Variants in DTNBP1 observed in about 807,000 individuals in gnomAD.
The protein encoded by DTNBP1 is dysbindin.
DTNBP1 carries 35 observed loss-of-function variants against 42.8 expected under a neutral mutation model. The ratio of observed to expected loss-of-function variants is 0.82; its 90% CI spans 0.63 to 1.09. The LOEUF (loss-of-function observed/expected upper bound fraction) is 1.09. Ranked by LOEUF, DTNBP1 falls within the 50% of genes least tolerant of loss-of-function variation. The pLI is 0.00. For synonymous variants in DTNBP1, 171 were observed against 162.2 expected (o/e 1.05, Z -0.41); for missense variants, 457 against 424.2 (o/e 1.08, Z -0.68).
chr6:15,562,457 T>C (rs1448628658), intron 7 of DTNBP1, among the ~76,000 whole-genome samples: 1 of 152,224 alleles, frequency 6.6e-6, no homozygotes, highest in East Asian at 1.9e-4. Flanking sequence ...GTAAACATAA[T>C]AAATGTTTTA....
At position 15,587,052 on chromosome 6, in the gene DTNBP1, T is replaced by C. The variant is rs1365921857; in HGVS notation, c.511+6007A>G. 6.6e-6 allele frequency among the ~76,000 whole-genome samples: 1 copy of C among 152,202 alleles called. No individual in the cohort carries two copies. The highest frequency in any genetic ancestry group is 1.9e-4 in the East Asian group (1 of 5,204). Reference sequence around the variant, plus strand: ...CGGGCTTCCATTCCCACCTACATGCTGGCTACTCTCAAATCTAGCTCAGAT... The same window carrying C: ...CGGGCTTCCATTCCCACCTACATGCCGGCTACTCTCAAATCTAGCTCAGAT... On this transcript the variant is annotated intron_variant, in intron 7 of 9. Coordinates refer to ENST00000344537, the MANE Select transcript of DTNBP1 (RefSeq NM_032122.5). The surrounding 1 kb of genome is among the most constrained non-coding windows in gnomAD (Gnocchi z 4.1).
chr6:15,577,630 C>G (rs1775637748), intron 7 of DTNBP1, among the ~76,000 whole-genome samples: 1 of 152,158 alleles, frequency 6.6e-6, no homozygotes, highest in East Asian at 1.9e-4. Context: ...GGATGAGACT[C>G]AAGACTGCAG....
chr6:15,644,215 A>ATAATGT (rs1760544584), intron 3 of DTNBP1, among the ~76,000 whole-genome samples: 1 of 152,112 alleles, frequency 6.6e-6, no homozygotes, highest in South Asian at 2.1e-4. Context: ...CAACATAATG[A>ATAATGT]TAAAGAGCTC....
intron 5 of DTNBP1, among the ~76,000 whole-genome samples, chr6:15,626,467 G>A (rs1227640350): frequency 6.6e-6 from 1 of 152,090 alleles, no homozygotes; most frequent in East Asian, 1.9e-4. Flanking sequence ...AAAAACAGGA[G>A]GAGATAATAG....
chr6:15,644,953 C>T (rs1000166221), intron 3 of DTNBP1, among the ~76,000 whole-genome samples: 1 of 150,630 alleles, frequency 6.6e-6, no homozygotes, highest in Non-Finnish European at 1.5e-5. Flanking sequence ...GAAATTGAGA[C>T]CAAAAAAAAA....
intron 1 of DTNBP1, among the ~76,000 whole-genome samples, chr6:15,653,307 G>A (rs1430746287): frequency 6.6e-6 from 1 of 152,194 alleles, no homozygotes; most frequent in East Asian, 1.9e-4. Context: ...TTCTGAGCTA[G>A]AAATGCATCT....
At chr6:15,641,249 C>T (rs528759340) in intron 3 of DTNBP1, among the ~76,000 whole-genome samples, 202 of 152,220 alleles carry the variant, frequency 1.3e-3, no homozygotes, top group South Asian at 2.7e-3. Context: ...CCCAAGATGG[C>T]TTACTAGGAA....
Position 15,533,418 on chromosome 6 carries a change from G to A in DTNBP1, c.512-23C>T, listed in dbSNP as rs374563522. The A allele has an allele frequency of 9.3e-6, 15 of 1,614,058 alleles. No individual in the cohort carries two copies. In the Middle Eastern group the frequency reaches 4.9e-4, roughly 53 times the overall value. ...CAGCTGAGGAAACAGAATAACTGGG[G>A]TTAGGGTTTGAAAAGGGACTGAGAG... On this transcript the variant is annotated intron_variant, in intron 7 of 9. Transcript: ENST00000344537.
chr6:15,595,110 A>G, intron 6 of DTNBP1: 1 of 456,388 alleles, frequency 2.2e-6, no homozygotes, highest in African/African-American at 2.0e-5. Flanking sequence ...CATGACCCAC[A>G]ACTCCACAAC....
intron 7 of DTNBP1, among the ~76,000 whole-genome samples, chr6:15,573,995 G>A (rs568501463): frequency 1.4e-4 from 22 of 152,272 alleles, no homozygotes; most frequent in African/African-American, 5.3e-4. Flanking sequence ...GTGAGCCACC[G>A]CGCCCAGACT....
At chr6:15,644,251 T>A (rs1760548555) in intron 3 of DTNBP1, among the ~76,000 whole-genome samples, 2 of 150,216 alleles carry the variant, frequency 1.3e-5, no homozygotes, top group African/African-American at 4.9e-5. Context: ...TATCGTATCC[T>A]AAATATATAT....
intron 5 of DTNBP1, among the ~76,000 whole-genome samples, chr6:15,625,246 A>G (rs1052200065): frequency 2.6e-5 from 4 of 152,224 alleles, no homozygotes; most frequent in Admixed American, 2.6e-4. Flanking sequence ...GGCAATATAT[A>G]TGAAAAGCAA....
Position 15,523,203 on chromosome 6 carries a change from G to T in DTNBP1, c.828C>A (p.Thr276=). 6.2e-7 allele frequency: 1 copy of T among 1,614,222 alleles called. No homozygotes were observed. The highest frequency in any genetic ancestry group is 8.5e-7 in the Non-Finnish European group (1 of 1,180,032). Residue 276 remains threonine (T), a synonymous_variant, in exon 10 of 10, where the codon ACC becomes ACA. Transcript: ENST00000344537. Reference sequence around the variant, plus strand: ...CCTGGAGGGTAATCTCATTCTGACAGGTACTGGATTCAGGCCCTGCAAAAT... The same window carrying T: ...CCTGGAGGGTAATCTCATTCTGACATGTACTGGATTCAGGCCCTGCAAAAT... The part of the protein sequence containing the change: ...LSPALGPESS[T]CQNEITLQVP...
At chr6:15,566,467 T>C (rs1775088869) in intron 7 of DTNBP1, among the ~76,000 whole-genome samples, 1 of 152,184 alleles carries the variant, frequency 6.6e-6, no homozygotes, top group Non-Finnish European at 1.5e-5. Context: ...TTCTTCATTC[T>C]GGAGTTTAGA....
At position 15,639,335 on chromosome 6, in the gene DTNBP1, C is replaced by T. The variant is rs1004950708; in HGVS notation, c.162-1531G>A. Among the ~76,000 whole-genome samples the T allele has an allele frequency of 2.6e-5, 4 of 152,158 alleles. No individual in the cohort carries two copies. In the East Asian group the frequency reaches 7.7e-4, roughly 29 times the overall value. On this transcript the variant is annotated intron_variant, in intron 3 of 9. Coordinates refer to ENST00000344537, the MANE Select transcript of DTNBP1 (RefSeq NM_032122.5). ...AATGAGAAGTTAAAAAATAAAACTT[C>T]TAAACTACTATTCATTTGATTGCTG...
intron 5 of DTNBP1, among the ~76,000 whole-genome samples, chr6:15,619,154 T>C (rs1245068354): frequency 6.6e-6 from 1 of 152,200 alleles, no homozygotes; most frequent in South Asian, 2.1e-4. Context: ...TAGTATTCTA[T>C]AGCACTGTAG....
At chr6:15,534,379 C>T (rs931232467) in intron 7 of DTNBP1, among the ~76,000 whole-genome samples, 6 of 152,120 alleles carry the variant, frequency 3.9e-5, no homozygotes, top group South Asian at 4.1e-4. Flanking sequence ...GGGCCGGGCG[C>T]GGTGGCTCAC....
intron 5 of DTNBP1, among the ~76,000 whole-genome samples, chr6:15,626,694 C>CA (rs892549169): frequency 6.6e-6 from 1 of 152,072 alleles, no homozygotes; most frequent in African/African-American, 2.4e-5. Context: ...TGAACAACGA[C>CA]AAAAAAATAA....
At chr6:15,581,834 G>A (rs905686468) in intron 7 of DTNBP1, among the ~76,000 whole-genome samples, 1 of 152,148 alleles carries the variant, frequency 6.6e-6, no homozygotes, top group Non-Finnish European at 1.5e-5. Context: ...GAGAAGATTT[G>A]ACTTTAAGAA....
Sources: allele counts gnomAD v4.1 joint callset (sites outside exome capture counted in the v4.1 genomes callset), GRCh38; gene constraint gnomAD v4.1.1; non-coding constraint Gnocchi (gnomAD v3.1); transcripts MANE v1.5; gene names NCBI Gene and HGNC (gene_info 2026-07-23, HGNC 2026-07-21).